The following POTEE variants were observed in gnomAD, a reference collection of about 807,000 sequenced individuals.
POTEE encodes the protein ANKRD26-like family C member 1A.
A neutral mutation model predicts 74.2 loss-of-function variants in POTEE; 21 were observed. The ratio of observed to expected loss-of-function variants is 0.28; its 90% CI spans 0.20 to 0.41. The LOEUF is 0.41. POTEE is among the 10% of genes least tolerant of loss of function. The pLI is 1.00. For synonymous variants in POTEE, 211 were observed against 432.8 expected, an observed-to-expected ratio of 0.49 and a Z score of 6.36; for missense variants, 525 against 1,158.6, an observed-to-expected ratio of 0.45 and a Z score of 7.94.
In POTEE at chr2:131,225,686, G is replaced by GTTT. The variant is rs1207304302; in HGVS notation, c.811-1122_811-1120dup. 1.5e-4 allele frequency among the ~76,000 whole-genome samples: 19 copies of GTTT among 124,762 alleles called. 1 individual carries two copies. Among genetic ancestry groups the GTTT allele is most frequent in the African/African-American group, 6.5e-4 (19 of 29,390 alleles). The allele number at this position is 124,762 out of a possible 152,430, so 81.8% of individuals were successfully genotyped here. A position where few individuals can be genotyped will look rare whatever the true frequency, so the allele number is the denominator to read the frequency against. The stretch of plus-strand genomic sequence containing the variant: ...AAGCTCAGATGGTCCTCCAACCTCA[G>GTTT]TTTTTTTTTTTTTTTTTCAGTAGAG... On this transcript the variant is annotated intron_variant, in intron 6 of 17. Coordinates refer to ENST00000683005, the MANE Select transcript of POTEE (RefSeq NM_001083538.3).
intron 9 of POTEE, among the ~76,000 whole-genome samples, chr2:131,232,807 G>C (rs1311883570): frequency 5.9e-5 from 9 of 151,744 alleles, no homozygotes; most frequent in Admixed American, 5.9e-4. Context: ...TGGCTAATCC[G>C]CAGCAGCTCC....
At chr2:131,209,874 A>T (rs1479512261) in intron 1 of POTEE, among the ~76,000 whole-genome samples, 55 bp downstream of exon 1, 1 of 148,590 alleles carries the variant, frequency 6.7e-6, no homozygotes, top group African/African-American at 2.5e-5. Context: ...TGGGTGTCCT[A>T]TTGGGGCTCA....
At position 131,263,825 on chromosome 2, in the gene POTEE, C is replaced by T. The variant is rs1364336026; in HGVS notation, c.2370C>T (p.Phe790=). ...DDMEKIWHHT[F]YNELRVAPEE... The stretch of plus-strand genomic sequence containing the variant: ...TGGAGAAGATCTGGCACCACACCTT[C>T]TACAACGAGCTGCGTGTGGCTCCCG... Residue 790 remains phenylalanine (F), a synonymous_variant, in exon 18 of 18, where the codon TTC becomes TTT. Coordinates refer to ENST00000683005, the MANE Select transcript of POTEE (RefSeq NM_001083538.3). The T allele has an allele frequency of 6.2e-7, 1 of 1,614,008 alleles. No individual in the cohort carries two copies. The highest frequency in any genetic ancestry group is 8.5e-7 in the Non-Finnish European group (1 of 1,180,044).
At chr2:131,248,362 G>A (rs1174214356) in intron 13 of POTEE, among the ~76,000 whole-genome samples, 9 of 148,786 alleles carry the variant, frequency 6.0e-5, no homozygotes, top group African/African-American at 2.2e-4. Flanking sequence ...AAAGGCTTGG[G>A]GGACAGAGAG....
intron 4 of POTEE, among the ~76,000 whole-genome samples, chr2:131,220,367 C>G (rs1444503392): frequency 6.6e-6 from 1 of 151,260 alleles, no homozygotes; most frequent in Non-Finnish European, 1.5e-5. Context: ...CCACGCCTGG[C>G]TAATTGCTTT....
intron 2 of POTEE, among the ~76,000 whole-genome samples, chr2:131,212,799 A>G (rs1244156064): frequency 6.7e-6 from 1 of 149,686 alleles, no homozygotes; most frequent in African/African-American, 2.5e-5. Context: ...CCCGACTTCA[A>G]GTGATCCACC....
rs1192187923 is a variant in POTEE, at chr2:131,230,913, C to T, written c.1126+7C>T. ...TCTGAAAACAGCAATCCAGGTAAGACTTGTGATAGTGAATTACTTTAGTCA... is the reference window on the plus strand; with the variant it reads ...TCTGAAAACAGCAATCCAGGTAAGATTTGTGATAGTGAATTACTTTAGTCA... On this transcript the variant is annotated splice_region_variant and intron_variant, in intron 9 of 17. Transcript: ENST00000683005. 6.4e-7 allele frequency: 1 copy of T among 1,560,140 alleles called. No homozygotes were observed. Among genetic ancestry groups the T allele is most frequent in the African/African-American group, 1.4e-5 (1 of 71,654 alleles).
At position 131,211,542 on chromosome 2, in the gene POTEE, CTTTTTTTTTTT is replaced by C. The variant is rs1163533169; in HGVS notation, c.-189+377_-189+387del. 3.5e-4 allele frequency among the ~76,000 whole-genome samples: 4 copies of C among 11,380 alleles called. 1 individual carries two copies. Among genetic ancestry groups the C allele is most frequent in the Non-Finnish European group, 6.7e-4 (4 of 5,994 alleles). The allele number at this position is 11,380 out of a possible 152,430, so 7.5% of individuals were successfully genotyped here. A position where few individuals can be genotyped will look rare whatever the true frequency, so the allele number is the denominator to read the frequency against. On this transcript the variant is annotated intron_variant, in intron 2 of 17. Coordinates refer to ENST00000683005, the MANE Select transcript of POTEE (RefSeq NM_001083538.3). ...TGACTGTGTGTGTGTGTGTGTGTGG[CTTTTTTTTTTT>C]TTTTTTTTTTTTTTTTTGAGACAGA...
intron 3 of POTEE, among the ~76,000 whole-genome samples, 174 bp downstream of exon 3, chr2:131,217,857 G>A (rs904389052): frequency 6.6e-6 from 1 of 150,580 alleles, no homozygotes. Context: ...TAACGGTTTG[G>A]CCGGCCTGTA....
chr2:131,228,545 A>T (rs1700851649), intron 8 of POTEE, among the ~76,000 whole-genome samples, 164 bp downstream of exon 8: 1 of 149,028 alleles, frequency 6.7e-6, no homozygotes. Flanking sequence ...ACAAAAAGCA[A>T]GACAAGTTAG....
intron 2 of POTEE, among the ~76,000 whole-genome samples, chr2:131,211,574 A>G (rs1298999061): frequency 2.0e-4 from 10 of 50,852 alleles, no homozygotes; most frequent in African/African-American, 6.2e-4. Context: ...TTTTTTTGAG[A>G]CAGAGTCTCG....
intron 8 of POTEE, among the ~76,000 whole-genome samples, chr2:131,230,196 A>G (rs1216015386): frequency 1.3e-5 from 2 of 152,198 alleles, no homozygotes; most frequent in African/African-American, 4.8e-5. Flanking sequence ...GTTACAAACT[A>G]TGACATAGTT....
At chr2:131,217,740 A>G (rs1014314217) in intron 3 of POTEE, among the ~76,000 whole-genome samples, 57 bp downstream of exon 3, 5 of 148,060 alleles carry the variant, frequency 3.4e-5, no homozygotes, top group African/African-American at 1.3e-4. Flanking sequence ...CACCTGAGAT[A>G]AGCACGCCGC....
At chr2:131,230,431 TA>T (rs1440372669) in intron 8 of POTEE, among the ~76,000 whole-genome samples, 1 of 152,194 alleles carries the variant, frequency 6.6e-6, no homozygotes. Flanking sequence ...GTTATCTCGT[TA>T]AACCTTTATA....
Position 131,230,550 on chromosome 2 carries a change from G to A in POTEE, c.1056-286G>A, listed in dbSNP as rs146497386. Reference sequence around the variant, plus strand: ...AAATAGCTGTTCATTATGGAGCTAGGACTTATTTAGAGTTGGGACACTTTC... The same window carrying A: ...AAATAGCTGTTCATTATGGAGCTAGAACTTATTTAGAGTTGGGACACTTTC... On this transcript the variant is annotated intron_variant, in intron 8 of 17. Coordinates refer to ENST00000683005, the MANE Select transcript of POTEE (RefSeq NM_001083538.3). Among the ~76,000 whole-genome samples, 1,167 of 152,218 alleles carry A rather than the reference G, an allele frequency of 7.7e-3. 13 individuals are homozygous for A. The highest frequency in any genetic ancestry group is 0.026 in the African/African-American group (1,084 of 41,508).
At chr2:131,236,528 G>T (rs902500129) in intron 9 of POTEE, among the ~76,000 whole-genome samples, 2 of 151,860 alleles carry the variant, frequency 1.3e-5, no homozygotes, top group Non-Finnish European at 2.9e-5. Context: ...TTGGGTGGAT[G>T]AATTTGTGAG....
intron 9 of POTEE, among the ~76,000 whole-genome samples, chr2:131,233,227 A>T (rs1701018035): frequency 1.3e-5 from 2 of 152,122 alleles, no homozygotes; most frequent in East Asian, 3.9e-4. Context: ...TTTTTCTGTA[A>T]ATGGCCAGTT....
chr2:131,211,502 A>T (rs968645113), intron 2 of POTEE, among the ~76,000 whole-genome samples: 3 of 75,630 alleles, frequency 4.0e-5, no homozygotes, highest in South Asian at 4.7e-4. Flanking sequence ...CTCATTCTTA[A>T]CAAAATTTAG....
At chr2:131,209,984 G>A (rs1343463813) in intron 1 of POTEE, among the ~76,000 whole-genome samples, 165 bp downstream of exon 1, 7 of 131,530 alleles carry the variant, frequency 5.3e-5, no homozygotes, top group East Asian at 2.3e-4. Flanking sequence ...CTGGCTGTCC[G>A]GGGCTACACT....
Sources: gnomAD v4.1 joint callset for allele counts (sites outside exome capture counted in the v4.1 genomes callset) on GRCh38, gnomAD v4.1.1 for gene constraint, MANE v1.5 for transcripts, NCBI Gene and HGNC (gene_info 2026-07-23, HGNC 2026-07-21) for gene names.